Variants in PEX14 observed in about 807,000 individuals in gnomAD.
PEX14 encodes peroxisomal biogenesis factor 14, also known as peroxisomal membrane protein PEX14.
Under a neutral mutation model 49.5 loss-of-function variants are expected in PEX14, and 15 were observed. The ratio of observed to expected loss-of-function variants is 0.30; its 90% CI spans 0.20 to 0.47. PEX14 has a LOEUF of 0.47. PEX14 is among the 20% of genes least tolerant of loss of function. PEX14 has a pLI of 1.00. For synonymous variants in PEX14, 210 were observed against 212.7 expected, an observed-to-expected ratio of 0.99 and a Z score of 0.11; for missense variants, 398 against 494.8, an observed-to-expected ratio of 0.80 and a Z score of 1.86.
intron 3 of PEX14, among the ~76,000 whole-genome samples, chr1:10,564,199 C>T (rs1441057921): frequency 6.6e-6 from 1 of 151,806 alleles, no homozygotes; most frequent in Non-Finnish European, 1.5e-5. Context: ...ATTGTTCTGT[C>T]TTGTTCTCAT....
At chr1:10,552,015 C>T (rs918259970) in intron 3 of PEX14, among the ~76,000 whole-genome samples, 4 of 151,998 alleles carry the variant, frequency 2.6e-5, no homozygotes, top group South Asian at 2.1e-4. Flanking sequence ...ATCTCTTGAA[C>T]CCGGGAGGTG....
chr1:10,550,414 G>A (rs1227207947), intron 3 of PEX14, among the ~76,000 whole-genome samples: 4 of 152,212 alleles, frequency 2.6e-5, no homozygotes, highest in South Asian at 2.1e-4. Flanking sequence ...CTGTGACCAA[G>A]TTCAGCTCTG....
At chr1:10,501,725 G>A (rs997615682) in intron 2 of PEX14, among the ~76,000 whole-genome samples, 1 of 152,112 alleles carries the variant, frequency 6.6e-6, no homozygotes, top group Non-Finnish European at 1.5e-5. Context: ...GACCAGATTC[G>A]GCAACATAGT....
chr1:10,476,125 C>A (rs1285710404), intron 1 of PEX14, among the ~76,000 whole-genome samples: 2 of 152,172 alleles, frequency 1.3e-5, no homozygotes, highest in Non-Finnish European at 2.9e-5. Context: ...CAGCAACTTA[C>A]TAGTATTTCA....
chr1:10,532,116 C>T (rs969737247), intron 2 of PEX14, among the ~76,000 whole-genome samples: 1 of 152,148 alleles, frequency 6.6e-6, no homozygotes, highest in African/African-American at 2.4e-5. Context: ...AAATACAAAT[C>T]TCTCTCAATT....
intron 3 of PEX14, among the ~76,000 whole-genome samples, chr1:10,589,137 C>T (rs745554966): frequency 6.6e-6 from 1 of 152,134 alleles, no homozygotes. Flanking sequence ...GATGTTCTCT[C>T]AGTAAGTTCA....
At chr1:10,499,698 TG>T (rs895258761) in intron 2 of PEX14, among the ~76,000 whole-genome samples, 1 of 152,094 alleles carries the variant, frequency 6.6e-6, no homozygotes, top group Admixed American at 6.5e-5. Flanking sequence ...CTGCCCACCT[TG>T]GCCTCCCAAA....
At chr1:10,619,152 C>A (rs770092474) in intron 5 of PEX14, among the ~76,000 whole-genome samples, 3 of 152,086 alleles carry the variant, frequency 2.0e-5, no homozygotes, top group Non-Finnish European at 4.4e-5. Context: ...GCAGGCATGA[C>A]GTGAACATTG....
rs1057049588 is a variant in PEX14 at position 10,597,772 on chromosome 1, A to C, written c.170-1466A>C. Among the ~76,000 whole-genome samples, 1 of 152,126 alleles carries C rather than the reference A, an allele frequency of 6.6e-6. No homozygotes were observed. ...AAAGAGGGGAACAGCTGCAGTTTTA[A>C]ATGGGGATAGTCCTCAACTCCTCAG... On this transcript the variant is annotated intron_variant, in intron 3 of 8. Coordinates refer to ENST00000356607, the MANE Select transcript of PEX14 (RefSeq NM_004565.3). The surrounding 1 kb of genome is among the most constrained non-coding windows in gnomAD (Gnocchi z 5.7).
intron 3 of PEX14, among the ~76,000 whole-genome samples, chr1:10,571,784 G>A (rs1639986003): frequency 6.6e-6 from 1 of 152,096 alleles, no homozygotes; most frequent in South Asian, 2.1e-4. Flanking sequence ...ACTCCAGCCC[G>A]GGCAACAGAG....
chr1:10,478,634 G>A (rs1641233846), intron 1 of PEX14, among the ~76,000 whole-genome samples: 2 of 152,130 alleles, frequency 1.3e-5, no homozygotes, highest in South Asian at 2.1e-4. Flanking sequence ...ACCAGAGTGC[G>A]GTGGTGTGAT....
At chr1:10,556,535 G>A (rs1163828444) in intron 3 of PEX14, among the ~76,000 whole-genome samples, 2 of 152,108 alleles carry the variant, frequency 1.3e-5, no homozygotes, top group African/African-American at 4.8e-5. Context: ...GGCAGTCGGT[G>A]TGCGCTGACC....
At chr1:10,579,729 T>C (rs759915091) in intron 3 of PEX14, among the ~76,000 whole-genome samples, 3 of 152,132 alleles carry the variant, frequency 2.0e-5, no homozygotes, top group African/African-American at 4.8e-5. Flanking sequence ...TAAACTGCCA[T>C]GGCACTGGTG....
At chr1:10,541,074 C>A (rs1053426428) in intron 3 of PEX14, among the ~76,000 whole-genome samples, 1 of 152,092 alleles carries the variant, frequency 6.6e-6, no homozygotes, top group South Asian at 2.1e-4. Flanking sequence ...AACAAATGCC[C>A]GACACGGATT....
chr1:10,553,538 ACT>A (rs1639395257), intron 3 of PEX14, among the ~76,000 whole-genome samples: 1 of 152,034 alleles, frequency 6.6e-6, no homozygotes. Flanking sequence ...GAAATTTGAG[ACT>A]CTCTGAAGAA....
At chr1:10,527,186 TG>T (rs1215079636) in intron 2 of PEX14, among the ~76,000 whole-genome samples, 5 of 134,098 alleles carry the variant, frequency 3.7e-5, no homozygotes, top group South Asian at 2.4e-4. Context: ...TACTCCAGCC[TG>T]GGTGATAGAG....
At position 10,613,665 on chromosome 1, in the gene PEX14, G is replaced by A. The variant is rs1234899799; in HGVS notation, c.299-4667G>A. ...CGGTCCTTAGACAGCTGGGCTCTGA[G>A]TGAGAGTGAAGATATCGCCTGTTCT... On this transcript the variant is annotated intron_variant, in intron 4 of 8. Transcript: ENST00000356607. This position sits in a 1 kb window ranked among gnomAD's most constrained non-coding sequence, Gnocchi z 5.0. 1.3e-5 allele frequency among the ~76,000 whole-genome samples: 2 copies of A among 152,204 alleles called. No homozygotes were observed. Among genetic ancestry groups the A allele is most frequent in the Admixed American group, 1.3e-4 (2 of 15,282 alleles).
Position 10,630,016 on chromosome 1 carries a change from G to T in PEX14, c.*29G>T. On this transcript the variant is annotated 3_prime_UTR_variant, in exon 9 of 9. Coordinates refer to ENST00000356607, the MANE Select transcript of PEX14 (RefSeq NM_004565.3). The surrounding 1 kb of genome is among the most constrained non-coding windows in gnomAD (Gnocchi z 4.1). ...TGCGCCTGCTGCCTCCAGCCCTGAG[G>T]ATGGCATCTAGTGTGCCCGTGCGTG... is the stretch of plus-strand genomic sequence containing the variant. The T allele has an allele frequency of 6.2e-7, 1 of 1,604,830 alleles. No homozygotes were observed. The highest frequency in any genetic ancestry group is 8.5e-7 in the Non-Finnish European group (1 of 1,179,312).
At chr1:10,552,254 C>T (rs1365191424) in intron 3 of PEX14, among the ~76,000 whole-genome samples, 1 of 152,046 alleles carries the variant, frequency 6.6e-6, no homozygotes, top group African/African-American at 2.4e-5. Context: ...CCAGCCTGGC[C>T]AATGTGGTGA....
Sources: gnomAD v4.1 joint callset for allele counts (sites outside exome capture counted in the v4.1 genomes callset) on GRCh38, gnomAD v4.1.1 for gene constraint, Gnocchi (gnomAD v3.1) non-coding constraint, MANE v1.5 for transcripts, NCBI Gene and HGNC (gene_info 2026-07-23, HGNC 2026-07-21) for gene names.